SPATA17: variants seen among roughly 807,000 people sequenced by gnomAD.
The protein encoded by SPATA17 is spermatogenesis-associated protein 17.
Under a neutral mutation model 62.2 loss-of-function variants are expected in SPATA17, and 53 were observed. The observed-to-expected ratio is 0.85, with a 90% CI of 0.68 to 1.07. The LOEUF is 1.07. SPATA17 is among the 50% of genes least tolerant of loss of function. SPATA17 has a pLI of 0.00. For missense variants in SPATA17, 466 were observed against 425.5 expected (o/e 1.10, Z -0.84); for synonymous variants, 146 against 146.8 (o/e 0.99, Z 0.04).
intron 5 of SPATA17, among the ~76,000 whole-genome samples, chr1:217,741,453 T>C (rs1179660700): frequency 1.3e-5 from 2 of 152,182 alleles, no homozygotes; most frequent in East Asian, 1.9e-4. Flanking sequence ...TGCAAGATAA[T>C]ATATGTAATC....
chr1:217,664,860 G>A (rs1211679940), intron 3 of SPATA17, among the ~76,000 whole-genome samples: 2 of 152,094 alleles, frequency 1.3e-5, no homozygotes, highest in East Asian at 1.9e-4. Flanking sequence ...TCGTAGTAGG[G>A]AAGAAAAGGT....
intron 1 of SPATA17, among the ~76,000 whole-genome samples, chr1:217,638,781 GA>G (rs1451064168): frequency 6.6e-6 from 1 of 151,414 alleles, no homozygotes; most frequent in Non-Finnish European, 1.5e-5. Flanking sequence ...AAAACTAGAG[GA>G]AAAAAATACT....
At chr1:217,761,338 G>A (rs369927624) in intron 6 of SPATA17, among the ~76,000 whole-genome samples, 17 of 152,152 alleles carry the variant, frequency 1.1e-4, no homozygotes, top group Admixed American at 3.3e-4. Flanking sequence ...TAAAGGTTCC[G>A]TTACTTTGCA....
intron 1 of SPATA17, among the ~76,000 whole-genome samples, chr1:217,639,746 T>C (rs2102876144): frequency 6.6e-6 from 1 of 152,254 alleles, no homozygotes; most frequent in East Asian, 1.9e-4. Context: ...GGCAATAGTC[T>C]TGCTATAATA....
At chr1:217,661,408 A>C (rs972941606) in intron 3 of SPATA17, among the ~76,000 whole-genome samples, 1 of 152,008 alleles carries the variant, frequency 6.6e-6, no homozygotes, top group African/African-American at 2.4e-5. Flanking sequence ...CTTTCCTCAA[A>C]ATTCTCCTAT....
intron 9 of SPATA17, among the ~76,000 whole-genome samples, chr1:217,814,745 G>A (rs918189336): frequency 6.6e-6 from 1 of 152,104 alleles, no homozygotes; most frequent in Non-Finnish European, 1.5e-5. Context: ...CTACTTGAGA[G>A]GCTGATGTGG....
chr1:217,687,237 A>G (rs565762919), intron 5 of SPATA17, among the ~76,000 whole-genome samples: 1 of 152,078 alleles, frequency 6.6e-6, no homozygotes, highest in Non-Finnish European at 1.5e-5. Context: ...ATATTTTTAT[A>G]TATAATGTTC....
At chr1:217,722,396 C>A (rs1672152876) in intron 5 of SPATA17, among the ~76,000 whole-genome samples, 1 of 151,850 alleles carries the variant, frequency 6.6e-6, no homozygotes, top group South Asian at 2.1e-4. Flanking sequence ...ATATCGGCTC[C>A]ACATTATTTT....
At chr1:217,801,042 G>A (rs570186048) in intron 8 of SPATA17, among the ~76,000 whole-genome samples, 6 of 152,186 alleles carry the variant, frequency 3.9e-5, no homozygotes, top group Admixed American at 1.3e-4. Context: ...AGGTTCCTTC[G>A]ATTTTTACAT....
intron 9 of SPATA17, among the ~76,000 whole-genome samples, chr1:217,815,395 G>A (rs1558062316): frequency 6.6e-6 from 1 of 152,140 alleles, no homozygotes; most frequent in South Asian, 2.1e-4. Context: ...ATATTTATGT[G>A]TACTTCTAGG....
intron 9 of SPATA17, among the ~76,000 whole-genome samples, chr1:217,837,247 A>G (rs1166022776): frequency 6.6e-6 from 1 of 152,152 alleles, no homozygotes; most frequent in Non-Finnish European, 1.5e-5. Flanking sequence ...TAAATTAGCC[A>G]CAACTTTGCT....
At chr1:217,638,437 G>A (rs544669811) in intron 1 of SPATA17, among the ~76,000 whole-genome samples, 47 of 152,236 alleles carry the variant, frequency 3.1e-4, no homozygotes, top group African/African-American at 1.1e-3. Flanking sequence ...CAATAATTCT[G>A]TCTATTTACC....
chr1:217,830,379 T>G (rs1675111558), intron 9 of SPATA17, among the ~76,000 whole-genome samples: 1 of 152,116 alleles, frequency 6.6e-6, no homozygotes, highest in Non-Finnish European at 1.5e-5. Context: ...CATATCACTT[T>G]ACATAATGTG....
intron 6 of SPATA17, among the ~76,000 whole-genome samples, chr1:217,772,413 A>G (rs1673472995): frequency 6.6e-6 from 1 of 152,262 alleles, no homozygotes; most frequent in Admixed American, 6.5e-5. Flanking sequence ...ATGCATTTAC[A>G]TTAACTGCTT....
intron 9 of SPATA17, among the ~76,000 whole-genome samples, chr1:217,842,038 A>T (rs917193782): frequency 1.3e-5 from 2 of 151,918 alleles, no homozygotes; most frequent in Non-Finnish European, 2.9e-5. Flanking sequence ...TAAAATCATA[A>T]GTAGGTATTA....
At chr1:217,651,451 A>G (rs1670311208) in intron 3 of SPATA17, among the ~76,000 whole-genome samples, 1 of 152,128 alleles carries the variant, frequency 6.6e-6, no homozygotes, top group Non-Finnish European at 1.5e-5. Context: ...TTATTTATTG[A>G]TGGTTATCTG....
intron 6 of SPATA17, among the ~76,000 whole-genome samples, chr1:217,763,461 G>GA (rs894560301): frequency 9.9e-5 from 15 of 152,166 alleles, no homozygotes; most frequent in Non-Finnish European, 1.3e-4. Flanking sequence ...TGAAGAAATG[G>GA]AAAAAAATGT....
At chr1:217,683,419 T>C in intron 5 of SPATA17, 58 bp downstream of exon 5, 1 of 1,097,536 alleles carries the variant, frequency 9.1e-7, no homozygotes, top group South Asian at 1.3e-5. Flanking sequence ...ACTCAATAGA[T>C]GTTGATCAAC....
chr1:217,766,699 T>A (rs1400102100), intron 6 of SPATA17, among the ~76,000 whole-genome samples: 3 of 145,378 alleles, frequency 2.1e-5, no homozygotes, highest in Non-Finnish European at 4.5e-5. Flanking sequence ...GTAGATCTGA[T>A]TTTTTGGCCT....
Sources: allele counts gnomAD v4.1 joint callset (sites outside exome capture counted in the v4.1 genomes callset), GRCh38; gene constraint gnomAD v4.1.1; transcripts MANE v1.5; gene names NCBI Gene and HGNC (gene_info 2026-07-23, HGNC 2026-07-21).